Variants in VPS25 observed in about 807,000 individuals in gnomAD.
VPS25 encodes the protein vacuolar protein-sorting-associated protein 25.
In VPS25, 21 loss-of-function variants were observed where a neutral mutation model predicts 30.3. The observed-to-expected ratio is 0.69, with a 90% confidence interval of 0.49 to 1.00. The LOEUF (loss-of-function observed/expected upper bound fraction) is 1.00. Ranked by LOEUF, VPS25 falls within the 50% of genes least tolerant of loss-of-function variation. VPS25 has a pLI of 0.00. For missense variants in VPS25, 156 were observed against 217.2 expected (o/e 0.72, Z 1.77); for synonymous variants, 101 against 88.1 (o/e 1.15, Z -0.82).
At chr17:42,774,158 A>G (rs2054424416) in intron 2 of VPS25, 1 of 348,310 alleles carries the variant, frequency 2.9e-6, no homozygotes, top group Non-Finnish European at 5.2e-6. Context: ...AACCCTTTTG[A>G]CTATTTGTAT....
rs557627814 is a variant in VPS25, at chr17:42,779,119, C to T, written c.*50C>T. On this transcript the variant is annotated 3_prime_UTR_variant, in exon 6 of 6. Transcript: ENST00000253794. ...TTACCTCCCACCTTTCCAGGGCTTT[C>T]AAAAGGAGACAGACCCAGTGTCCCC... 6.6e-7 allele frequency: 1 copy of T among 1,519,468 alleles called. No homozygotes were observed. Among genetic ancestry groups the T allele is most frequent in the Non-Finnish European group, 9.0e-7 (1 of 1,108,236 alleles). The allele number at this position is 1,519,468 out of a possible 1,614,324, so 94.1% of individuals were successfully genotyped here.
chr17:42,776,929 T>C (rs2054439881), intron 5 of VPS25, among the ~76,000 whole-genome samples: 1 of 152,230 alleles, frequency 6.6e-6, no homozygotes, highest in South Asian at 2.1e-4. Context: ...GTTAAGAATT[T>C]CACTTTCAGC....
chr17:42,773,569 C>T (rs1464281363), intron 1 of VPS25, 41 bp downstream of exon 1: 2 of 1,613,972 alleles, frequency 1.2e-6, no homozygotes, highest in Non-Finnish European at 1.7e-6. Context: ...TGCCTCCCTC[C>T]CCTCCCCCGG....
At chr17:42,776,477 C>G (rs987597664) in intron 5 of VPS25, among the ~76,000 whole-genome samples, 157 bp downstream of exon 5, 1 of 152,034 alleles carries the variant, frequency 6.6e-6, no homozygotes, top group African/African-American at 2.4e-5. Flanking sequence ...ATTCTCCTGC[C>G]TCAGCTTCCT....
In VPS25 at chr17:42,773,852, C is replaced by A. The variant is rs781028794; in HGVS notation, c.173C>A (p.Pro58Gln). The A allele has an allele frequency of 1.2e-6, 2 of 1,613,798 alleles. No individual in the cohort carries two copies. The highest frequency in any genetic ancestry group is 1.7e-6 in the Non-Finnish European group (2 of 1,180,008). ...SMTVMEAQES[P>Q]LFNNVKLQRK... is the part of the protein sequence containing the mutation. ...ACGGTGATGGAAGCTCAGGAGAGCC[C>A]GCTCTTCAACAACGTCAAGCTACAG... The change falls in exon 2 of 6, where the codon CCG becomes CAG. Residue 58 changes from proline to glutamine, a missense_variant. Transcript: ENST00000253794.
intron 2 of VPS25, chr17:42,774,391 GGA>G (rs2054425610): frequency 6.5e-6 from 1 of 153,890 alleles, no homozygotes; most frequent in African/African-American, 4.6e-5. Context: ...TTTTTTTTTT[GGA>G]GACAGGGTCT....
intron 2 of VPS25, chr17:42,774,372 CTTTT>C (rs1161401913): frequency 5.8e-3 from 1,301 of 226,154 alleles, no homozygotes; most frequent in East Asian, 9.9e-3. Flanking sequence ...TTCTTTCTTT[CTTTT>C]TTTTTTTTTT....
intron 1 of VPS25, 57 bp from the exon 2 acceptor site, chr17:42,773,676 C>T: frequency 6.2e-7 from 1 of 1,604,964 alleles, no homozygotes; most frequent in Non-Finnish European, 8.5e-7. Flanking sequence ...AAATGCGTCC[C>T]GGGCAAGTGC....
chr17:42,776,222 C>T (rs767824246), intron 4 of VPS25, 23 bp from the exon 5 acceptor site: 64 of 1,605,134 alleles, frequency 4.0e-5, no homozygotes, highest in Non-Finnish European at 5.2e-5. Flanking sequence ...TTCTAATTCA[C>T]TCCTCATTTT....
At chr17:42,778,224 C>T (rs539805376) in intron 5 of VPS25, among the ~76,000 whole-genome samples, 1 of 152,146 alleles carries the variant, frequency 6.6e-6, no homozygotes, top group South Asian at 2.1e-4. Flanking sequence ...CTTGCTCTGT[C>T]CCCCAAGCTG....
intron 2 of VPS25, chr17:42,774,372 CTT>C (rs1161401913): frequency 0.047 from 10,630 of 224,522 alleles, 20 homozygotes; most frequent in East Asian, 0.071. Context: ...TTCTTTCTTT[CTT>C]TTTTTTTTTT....
intron 5 of VPS25, 127 bp from the exon 6 acceptor site, chr17:42,778,830 G>T: frequency 4.3e-6 from 3 of 698,184 alleles, no homozygotes; most frequent in Non-Finnish European, 7.3e-6. Flanking sequence ...GTGGATGGCA[G>T]CTGTAGCAGT....
rs766865660 is a variant in VPS25, at chr17:42,773,766, G to A, written c.87G>A (p.Gln29=). 1 of 1,614,112 alleles carries A rather than the reference G, an allele frequency of 6.2e-7. No homozygotes were observed. Among genetic ancestry groups the A allele is most frequent in the Non-Finnish European group, 8.5e-7 (1 of 1,180,038 alleles). ...LQPNVDTRQK[Q]LAAWCSLVLS... is the part of the protein sequence containing the mutation. ...CGAATGTGGACACTCGGCAGAAGCA[G>A]CTGGCCGCCTGGTGCTCGCTGGTCC... is the stretch of plus-strand genomic sequence containing the variant. Residue 29 remains glutamine (Q), a synonymous_variant, in exon 2 of 6, where the codon CAG becomes CAA. Coordinates refer to ENST00000253794, the MANE Select transcript of VPS25 (RefSeq NM_032353.4).
At chr17:42,777,674 C>T (rs2054443667) in intron 5 of VPS25, among the ~76,000 whole-genome samples, 1 of 152,210 alleles carries the variant, frequency 6.6e-6, no homozygotes, top group African/African-American at 2.4e-5. Context: ...ATAGAGGGCT[C>T]AAGATCTGTG....
In VPS25 at chr17:42,779,159, G is replaced by A. The variant is rs2054454314; in HGVS notation, c.*90G>A. ...CCAGTGTCCCCCAAAGACTGGATCT[G>A]TGACTCCACCAGACTCAAAAGGACT... On this transcript the variant is annotated 3_prime_UTR_variant, in exon 6 of 6. Transcript: ENST00000253794. The A allele has an allele frequency of 4.0e-6, 5 of 1,242,962 alleles. No individual in the cohort carries two copies. In the Admixed American group the frequency reaches 8.0e-5, roughly 20 times the overall value. The allele number at this position is 1,242,962 out of a possible 1,614,324, so 77.0% of individuals were successfully genotyped here.
chr17:42,776,299 G>A lies in VPS25; in HGVS notation c.397G>A (p.Gly133Arg). 6.2e-7 allele frequency: 1 copy of A among 1,613,600 alleles called. No homozygotes were observed. The highest frequency in any genetic ancestry group is 8.5e-7 in the Non-Finnish European group (1 of 1,179,974). ...SVFTLYELTN[G>R]EDTEDEEFHG... Reference sequence around the variant, plus strand: ...CTTTACCCTGTATGAACTGACTAATGGGGAAGACACAGAGGATGAGGGTAA... The same window carrying A: ...CTTTACCCTGTATGAACTGACTAATAGGGAAGACACAGAGGATGAGGGTAA... Residue 133 changes from glycine (G) to arginine (R), a missense_variant, in exon 5 of 6, where the codon GGG (glycine) becomes AGG (arginine). Coordinates refer to ENST00000253794, the MANE Select transcript of VPS25 (RefSeq NM_032353.4).
chr17:42,778,957 A>T lies in VPS25; in HGVS notation c.419A>T (p.Glu140Val). 5.6e-6 allele frequency: 9 copies of T among 1,613,804 alleles called. No homozygotes were observed. Among genetic ancestry groups the T allele is most frequent in the Non-Finnish European group, 7.6e-6 (9 of 1,179,806 alleles). Residue 140 changes from glutamate (E) to valine (V), a missense_variant and splice_region_variant, in exon 6 of 6, where the codon GAG (glutamate) becomes GTG (valine). By Grantham distance (121) the Glu-to-Val change is moderately radical. Transcript: ENST00000253794. The part of the protein sequence containing the change: ...LTNGEDTEDE[E>V]FHGLDEATLL... Reference sequence around the variant, plus strand: ...TCTCTGCCTATCTCTCCCTGTTCAGAGTTCCACGGGCTGGATGAAGCCACT... The same window carrying T: ...TCTCTGCCTATCTCTCCCTGTTCAGTGTTCCACGGGCTGGATGAAGCCACT...
chr17:42,775,424 C>T lies in VPS25; in HGVS notation c.297C>T (p.Ile99=). The part of the protein sequence containing the change: ...WLDKSKSSFL[I]MWRRPEEWGK... ...ATAAGAGCAAGTCCAGCTTCCTGAT[C>T]ATGTGGCGGAGGCCAGAAGAATGGG... The change falls in exon 4 of 6, where the codon ATC becomes ATT. Residue 99 remains isoleucine, a synonymous_variant. Transcript: ENST00000253794. 2 of 1,614,082 alleles carry T rather than the reference C, an allele frequency of 1.2e-6. No homozygotes were observed. The highest frequency in any genetic ancestry group is 2.2e-5 in the South Asian group (2 of 91,070).
At chr17:42,775,280 T>A in intron 3 of VPS25, 101 bp from the exon 4 acceptor site, 1 of 805,924 alleles carries the variant, frequency 1.2e-6, no homozygotes, top group Non-Finnish European at 2.1e-6. Flanking sequence ...TTGCCCAGGC[T>A]AGTTTCGAAC....
Sources: allele counts gnomAD v4.1 joint callset (sites outside exome capture counted in the v4.1 genomes callset), GRCh38; gene constraint gnomAD v4.1.1; transcripts MANE v1.5; gene names NCBI Gene and HGNC (gene_info 2026-07-23, HGNC 2026-07-21).